The following BEGAIN variants were observed in gnomAD, a reference collection of about 807,000 sequenced individuals.
BEGAIN encodes the protein brain-enriched guanylate kinase-associated protein.
A neutral mutation model predicts 35.8 loss-of-function variants in BEGAIN; 19 were observed. The ratio of observed to expected loss-of-function variants is 0.53; its 90% CI spans 0.37 to 0.78. The LOEUF is 0.78. Among genes scored for constraint, BEGAIN ranks in the 30% least tolerant of loss-of-function variants. The pLI, the probability that BEGAIN is intolerant of heterozygous loss-of-function variation, is 0.00. For synonymous variants in BEGAIN, 462 were observed against 388.6 expected, an observed-to-expected ratio of 1.19 and a Z score of -2.22; for missense variants, 795 against 853.6, an observed-to-expected ratio of 0.93 and a Z score of 0.85.
At position 100,538,817 on chromosome 14, in the gene BEGAIN, G is replaced by C; in HGVS notation, c.991C>G (p.His331Asp). 6.2e-7 allele frequency: 1 copy of C among 1,604,108 alleles called. No individual in the cohort carries two copies. Among genetic ancestry groups the C allele is most frequent in the African/African-American group, 1.3e-5 (1 of 74,970 alleles). The change falls in exon 7 of 7, where the codon CAC (histidine) becomes GAC (aspartate). Residue 331 changes from histidine (H) to aspartate (D), a missense_variant. His to Asp is a moderately conservative substitution (Grantham distance 81). Coordinates refer to ENST00000554140, the MANE Select transcript of BEGAIN (RefSeq NM_001385089.1). The stretch of plus-strand genomic sequence containing the variant: ...GCGGTCAGCGTGCTGGCCTGCGCGT[G>C]CTCCTTCTCCTCCGACGTGGCGCTG... ...SFSATSEEKEHAQASTLTASQ... is the reference protein window; with the variant it reads ...SFSATSEEKEDAQASTLTASQ...
chr14:100,547,006 G>A (rs2032613126), intron 2 of BEGAIN: 1 of 197,708 alleles, frequency 5.1e-6, no homozygotes, highest in Non-Finnish European at 1.0e-5. Flanking sequence ...GCGGTTTAAA[G>A]GACCCAGGTA....
In BEGAIN at chr14:100,538,849, G is replaced by C; in HGVS notation, c.959C>G (p.Ser320Cys). Residue 320 changes from serine to cysteine, a missense_variant, in exon 7 of 7, where the codon TCC becomes TGC. This residue lies in a region of BEGAIN where 664 missense variants were observed against 647.7 expected (regional missense o/e 1.03). Transcript: ENST00000554140. ...CTCCTCCGACGTGGCGCTGAAGCTG[G>C]AGTAGGAGCTGGACGTGGGCAGTGA... is the stretch of plus-strand genomic sequence containing the variant. ...AGSLPTSSSY[S>C]SFSATSEEKE... 1 of 1,606,994 alleles carries C rather than the reference G, an allele frequency of 6.2e-7. No individual in the cohort carries two copies. Among genetic ancestry groups the C allele is most frequent in the Admixed American group, 1.7e-5 (1 of 58,966 alleles).
intron 2 of BEGAIN, among the ~76,000 whole-genome samples, chr14:100,564,787 G>A (rs1348017601): frequency 6.6e-6 from 1 of 152,104 alleles, no homozygotes; most frequent in Non-Finnish European, 1.5e-5. Context: ...TCTGTTCTCT[G>A]GGGTGCCCAT....
intron 2 of BEGAIN, chr14:100,549,207 T>G (rs2032918081): frequency 6.6e-6 from 1 of 152,356 alleles, no homozygotes; most frequent in South Asian, 2.1e-4. Flanking sequence ...GGTTTGCACC[T>G]GCACCCCTGC....
intron 2 of BEGAIN, among the ~76,000 whole-genome samples, chr14:100,561,162 C>T (rs2034217921): frequency 6.6e-6 from 1 of 152,182 alleles, no homozygotes; most frequent in African/African-American, 2.4e-5. Context: ...GGGAAAAGTG[C>T]AGACAGCCTA....
chr14:100,568,849 C>G lies in BEGAIN; in HGVS notation c.43-910G>C. On this transcript the variant is annotated intron_variant, in intron 1 of 6. Coordinates refer to ENST00000554140, the MANE Select transcript of BEGAIN (RefSeq NM_001385089.1). The surrounding 1 kb of genome is among the most constrained non-coding windows in gnomAD (Gnocchi z 7.5). ...CTTTGCCCGTCTTTCTGTGCCGTGACTGGCACTCAAGGGGGACAGGGGTCC... is the reference window on the plus strand; with the variant it reads ...CTTTGCCCGTCTTTCTGTGCCGTGAGTGGCACTCAAGGGGGACAGGGGTCC... 2.0e-6 allele frequency: 2 copies of G among 986,370 alleles called. No homozygotes were observed. Among genetic ancestry groups the G allele is most frequent in the Non-Finnish European group, 2.4e-6 (2 of 830,806 alleles). The allele number at this position is 986,370 out of a possible 1,614,324, so 61.1% of individuals were successfully genotyped here. A position where few individuals can be genotyped will look rare whatever the true frequency, so the allele number is the denominator to read the frequency against.
chr14:100,544,853 A>C (rs2032159378), intron 4 of BEGAIN, 147 bp downstream of exon 4: 1 of 847,542 alleles, frequency 1.2e-6, no homozygotes, highest in Non-Finnish European at 1.9e-6. Flanking sequence ...GAGAGCACAC[A>C]CCCTGCTCCA....
At chr14:100,540,387 A>C in intron 6 of BEGAIN, 109 bp downstream of exon 6, 2 of 859,238 alleles carry the variant, frequency 2.3e-6, no homozygotes. Flanking sequence ...GCTCAGGCTC[A>C]GCTGGCATCT....
At chr14:100,554,392 TTCGG>T (rs1336203570) in intron 2 of BEGAIN, among the ~76,000 whole-genome samples, 2 of 152,140 alleles carry the variant, frequency 1.3e-5, no homozygotes, top group Non-Finnish European at 2.9e-5. Context: ...GTCTTCCCTC[TTCGG>T]TCGTGGCTCT....
At chr14:100,584,161 C>G (rs2035385690) in intron 1 of BEGAIN, among the ~76,000 whole-genome samples, 1 of 152,240 alleles carries the variant, frequency 6.6e-6, no homozygotes, top group African/African-American at 2.4e-5. Flanking sequence ...GATGACCAGG[C>G]TTCCATGTCT....
intron 1 of BEGAIN, among the ~76,000 whole-genome samples, chr14:100,574,487 C>T (rs914150066): frequency 3.9e-5 from 6 of 151,970 alleles, no homozygotes; most frequent in Admixed American, 6.6e-5. Flanking sequence ...TCTGGCCCAC[C>T]ACCAGCATGT....
chr14:100,550,475 G>T (rs530638728), intron 2 of BEGAIN: 17 of 399,278 alleles, frequency 4.3e-5, no homozygotes, highest in African/African-American at 3.5e-4. Flanking sequence ...ACTCGGGGCT[G>T]CCCGAGGCAC....
intron 2 of BEGAIN, among the ~76,000 whole-genome samples, chr14:100,562,950 C>T (rs1264559766): frequency 9.0e-6 from 1 of 110,892 alleles, no homozygotes; most frequent in Admixed American, 9.0e-5. Context: ...GTGTGGAATC[C>T]ATGATCAGTG....
rs2034413570 is a variant in BEGAIN, at chr14:100,563,083, C to T, written c.71+4828G>A. ...ACAGGGTCAGGACCTTCGAGGCCACCTGCTCTCCATCTGTCTCCATCCCTG... is the reference window on the plus strand; with the variant it reads ...ACAGGGTCAGGACCTTCGAGGCCACTTGCTCTCCATCTGTCTCCATCCCTG... On this transcript the variant is annotated intron_variant, in intron 2 of 6. Coordinates refer to ENST00000554140, the MANE Select transcript of BEGAIN (RefSeq NM_001385089.1). The surrounding 1 kb of genome is among the most constrained non-coding windows in gnomAD (Gnocchi z 4.2). Among the ~76,000 whole-genome samples the T allele has an allele frequency of 6.6e-6, 1 of 152,238 alleles. No individual in the cohort carries two copies. Among genetic ancestry groups the T allele is most frequent in the African/African-American group, 2.4e-5 (1 of 41,462 alleles).
rs1318946740 is a variant in BEGAIN at position 100,563,209 on chromosome 14, G to A, written c.71+4702C>T. 6.6e-6 allele frequency among the ~76,000 whole-genome samples: 1 copy of A among 152,218 alleles called. No homozygotes were observed. The highest frequency in any genetic ancestry group is 2.4e-5 in the African/African-American group (1 of 41,448). ...GTCATAGGAGTGAAGGAGAGAGTGT[G>A]GCCCGAACACCTGGGTGTCCTTGTG... On this transcript the variant is annotated intron_variant, in intron 2 of 6. Transcript: ENST00000554140. This position sits in a 1 kb window ranked among gnomAD's most constrained non-coding sequence, Gnocchi z 4.2.
chr14:100,583,029 C>T (rs1409499257), intron 1 of BEGAIN, among the ~76,000 whole-genome samples: 1 of 150,464 alleles, frequency 6.6e-6, no homozygotes, highest in Non-Finnish European at 1.5e-5. Context: ...CCTGTGACCG[C>T]TCACCCATTT....
chr14:100,583,692 C>CTTTTTTTTTTTCTTTTTTTTTT, intron 1 of BEGAIN, among the ~76,000 whole-genome samples: 1 of 108,980 alleles, frequency 9.2e-6, no homozygotes, highest in Non-Finnish European at 1.8e-5. Context: ...GTTTTTCTTC[C>CTTTTTTTTTTTCTTTTTTTTTT]TTTTTTTTTT....
At chr14:100,541,743 C>T (rs1036290889) in intron 5 of BEGAIN, among the ~76,000 whole-genome samples, 2 of 152,218 alleles carry the variant, frequency 1.3e-5, no homozygotes, top group Middle Eastern at 3.2e-3. Context: ...GCCCATAGCC[C>T]CTGGGGCACC....
chr14:100,582,198 G>C (rs780804355), intron 1 of BEGAIN, among the ~76,000 whole-genome samples: 1 of 152,142 alleles, frequency 6.6e-6, no homozygotes, highest in Non-Finnish European at 1.5e-5. Flanking sequence ...AGGCTAGAGT[G>C]CAGTGGCGCG....
Sources: allele counts gnomAD v4.1 joint callset (sites outside exome capture counted in the v4.1 genomes callset), GRCh38; gene constraint gnomAD v4.1.1; regional missense constraint gnomAD v4.1.1; non-coding constraint Gnocchi (gnomAD v3.1); transcripts MANE v1.5; gene names NCBI Gene and HGNC (gene_info 2026-07-23, HGNC 2026-07-21).